CFAP61: variants seen among roughly 807,000 people sequenced by gnomAD.
CFAP61 encodes the protein cilia and flagella associated protein 61, also known as cilia- and flagella-associated protein 61.
In CFAP61, 107 loss-of-function variants were observed where a neutral mutation model predicts 135.6. That is an observed-to-expected ratio of 0.79 (90% CI 0.67 to 0.93). The LOEUF (loss-of-function observed/expected upper bound fraction) is 0.93. Ranked by LOEUF, CFAP61 falls within the 40% of genes least tolerant of loss-of-function variation. CFAP61 has a pLI of 0.00. For synonymous variants in CFAP61, 575 were observed against 578.5 expected (o/e 0.99, Z 0.09); for missense variants, 1,507 against 1,556.2 (o/e 0.97, Z 0.53).
intron 9 of CFAP61, 46 bp downstream of exon 9, chr20:20,142,994 G>A: frequency 8.6e-7 from 1 of 1,168,928 alleles, no homozygotes; most frequent in Non-Finnish European, 1.2e-6. Context: ...GGATGGGCCT[G>A]GGGGCTACCT....
intron 25 of CFAP61, among the ~76,000 whole-genome samples, chr20:20,340,214 G>A (rs568464583): frequency 1.6e-4 from 24 of 152,350 alleles, no homozygotes; most frequent in African/African-American, 5.1e-4. Context: ...TTGTTGTGTG[G>A]TTGGGAGAAC....
chr20:20,157,558 C>A (rs1028011893), intron 9 of CFAP61, among the ~76,000 whole-genome samples: 1 of 152,154 alleles, frequency 6.6e-6, no homozygotes, highest in Non-Finnish European at 1.5e-5. Context: ...AATTTTATAT[C>A]CATATACAAA....
chr20:20,157,675 A>G lies in CFAP61; in HGVS notation c.952-1695A>G, dbSNP rs555538470. 5.9e-5 allele frequency among the ~76,000 whole-genome samples: 9 copies of G among 152,298 alleles called. No individual in the cohort carries two copies. The South Asian group carries it at 1.7e-3, about 28-fold the overall frequency. On this transcript the variant is annotated intron_variant, in intron 9 of 26. Transcript: ENST00000245957. Reference sequence around the variant, plus strand: ...AACCAATATAACCTCTAGAGAAAACATAACATAGGAGAAAATGTTTGTGAC... The same window carrying G: ...AACCAATATAACCTCTAGAGAAAACGTAACATAGGAGAAAATGTTTGTGAC...
chr20:20,346,306 C>A (rs531862174), intron 26 of CFAP61, among the ~76,000 whole-genome samples: 41 of 150,164 alleles, frequency 2.7e-4, no homozygotes, highest in African/African-American at 8.8e-4. Context: ...CGCCCGAGGT[C>A]AGGAGTTCGA....
At chr20:20,317,272 G>A (rs6106230) in intron 25 of CFAP61, among the ~76,000 whole-genome samples, 1 of 152,072 alleles carries the variant, frequency 6.6e-6, no homozygotes, top group Non-Finnish European at 1.5e-5. Context: ...ACTAAAGGAG[G>A]TGCTGTACAG....
At chr20:20,177,093 T>C (rs555827812) in intron 13 of CFAP61, among the ~76,000 whole-genome samples, 4 of 152,182 alleles carry the variant, frequency 2.6e-5, no homozygotes, top group Non-Finnish European at 2.9e-5. Flanking sequence ...TTCTTCTGTA[T>C]ATAAATATAA....
intron 25 of CFAP61, among the ~76,000 whole-genome samples, chr20:20,299,238 G>A (rs998641936): frequency 1.3e-5 from 2 of 152,214 alleles, no homozygotes; most frequent in African/African-American, 2.4e-5. Context: ...AAATCTATGG[G>A]CCCACTGCCT....
intron 8 of CFAP61, among the ~76,000 whole-genome samples, chr20:20,125,145 TTTTA>T (rs2049969378): frequency 6.6e-6 from 1 of 151,854 alleles, no homozygotes; most frequent in South Asian, 2.1e-4. Flanking sequence ...GGTCTGTCAA[TTTTA>T]TTTATCTTTT....
intron 18 of CFAP61, among the ~76,000 whole-genome samples, chr20:20,238,200 G>T (rs981612648): frequency 6.6e-6 from 1 of 152,132 alleles, no homozygotes; most frequent in Non-Finnish European, 1.5e-5. Flanking sequence ...ATTTTGTGTG[G>T]ATTTGTTTTG....
intron 9 of CFAP61, among the ~76,000 whole-genome samples, chr20:20,152,501 A>G (rs901695261): frequency 6.6e-6 from 1 of 152,224 alleles, no homozygotes; most frequent in Non-Finnish European, 1.5e-5. Flanking sequence ...AAGGATTCCT[A>G]TAAACTTGCA....
At position 20,218,904 on chromosome 20, in the gene CFAP61, A is replaced by G. The variant is rs148024894; in HGVS notation, c.1933-9345A>G. Reference sequence around the variant, plus strand: ...CTTCACACATTCAGTTGCCTTCCCCACTAACAAGTTAGACTGTCCTTGTTG... The same window carrying G: ...CTTCACACATTCAGTTGCCTTCCCCGCTAACAAGTTAGACTGTCCTTGTTG... On this transcript the variant is annotated intron_variant, in intron 17 of 26. Transcript: ENST00000245957. Among the ~76,000 whole-genome samples, 642 of 152,256 alleles carry G rather than the reference A, an allele frequency of 4.2e-3. 10 individuals are homozygous for G. The highest frequency in any genetic ancestry group is 0.015 in the African/African-American group (623 of 41,548).
chr20:20,293,264 GT>G (rs1478643422), intron 24 of CFAP61, among the ~76,000 whole-genome samples: 4 of 152,332 alleles, frequency 2.6e-5, no homozygotes, highest in Non-Finnish European at 5.9e-5. Flanking sequence ...GCCAAAAGGG[GT>G]TTTTAGATAA....
intron 9 of CFAP61, among the ~76,000 whole-genome samples, chr20:20,156,123 A>T (rs1217956102): frequency 6.6e-6 from 1 of 152,176 alleles, no homozygotes. Context: ...GAACTTTTCC[A>T]TGCAACCAAA....
intron 20 of CFAP61, among the ~76,000 whole-genome samples, chr20:20,252,230 T>G (rs1407020601): frequency 6.6e-6 from 1 of 152,222 alleles, no homozygotes; most frequent in Non-Finnish European, 1.5e-5. Context: ...ATAGGAAATC[T>G]GATTGATTGG....
intron 8 of CFAP61, among the ~76,000 whole-genome samples, chr20:20,100,092 T>C (rs910417262): frequency 2.0e-5 from 3 of 152,108 alleles, no homozygotes; most frequent in Non-Finnish European, 4.4e-5. Context: ...AGGGAACTTA[T>C]CAGTGTGAGA....
chr20:20,064,041 C>G (rs978177909), intron 2 of CFAP61, among the ~76,000 whole-genome samples: 5 of 129,726 alleles, frequency 3.9e-5, no homozygotes, highest in Non-Finnish European at 8.3e-5. Flanking sequence ...AACCGCCCCC[C>G]ACCCCGCCTT....
intron 17 of CFAP61, among the ~76,000 whole-genome samples, chr20:20,207,251 C>T (rs1374038803): frequency 6.6e-6 from 1 of 152,132 alleles, no homozygotes; most frequent in Non-Finnish European, 1.5e-5. Context: ...AAGCCACCAG[C>T]AGGTTCTTTG....
chr20:20,321,379 T>C (rs2057504225), intron 25 of CFAP61, among the ~76,000 whole-genome samples: 1 of 152,196 alleles, frequency 6.6e-6, no homozygotes, highest in South Asian at 2.1e-4. Context: ...TGGTAACTTA[T>C]ATAAGTAATC....
chr20:20,074,366 A>G lies in CFAP61; in HGVS notation c.359A>G (p.Lys120Arg). 1 of 1,614,076 alleles carries G rather than the reference A, an allele frequency of 6.2e-7. No individual in the cohort carries two copies. ...GATGAGTATTCTGTTGGCTGTTGCA[A>G]AGAGATTCTTCGGTGAGTGGATATG... is the stretch of plus-strand genomic sequence containing the variant. ...AVDEYSVGCC[K>R]EILRTVYKAV... is the part of the protein sequence containing the mutation. Residue 120 changes from lysine to arginine, a missense_variant, in exon 4 of 27, where the codon AAA becomes AGA. By Grantham distance (26) the Lys-to-Arg change is conservative (BLOSUM62 2). Coordinates refer to ENST00000245957, the MANE Select transcript of CFAP61 (RefSeq NM_015585.4).
Sources: gnomAD v4.1 joint callset for allele counts (sites outside exome capture counted in the v4.1 genomes callset) on GRCh38, gnomAD v4.1.1 for gene constraint, MANE v1.5 for transcripts, NCBI Gene and HGNC (gene_info 2026-07-23, HGNC 2026-07-21) for gene names.